The following JAG1 variants were observed in gnomAD, a reference collection of about 807,000 sequenced individuals.
The protein encoded by JAG1 is protein jagged-1.
In JAG1, 23 loss-of-function variants were observed where a neutral mutation model predicts 148.7. That is an observed-to-expected ratio of 0.15 (90% CI 0.11 to 0.22). JAG1 has a LOEUF of 0.22. Ranked by LOEUF, JAG1 falls within the 10% of genes least tolerant of loss-of-function variation. JAG1 has a pLI of 1.00. For synonymous variants in JAG1, 572 were observed against 598.3 expected, an observed-to-expected ratio of 0.96 and a Z score of 0.64; for missense variants, 1,054 against 1,611.2, an observed-to-expected ratio of 0.65 and a Z score of 5.92.
chr20:10,651,517 T>TGAG, intron 8 of JAG1, 64 bp downstream of exon 8: 10 of 1,096,852 alleles, frequency 9.1e-6, no homozygotes, highest in Non-Finnish European at 1.4e-5. Context: ...TAGGTACCTC[T>TGAG]CCCCAGCGTG....
Position 10,639,496 on chromosome 20 carries a change from T to A in JAG1, c.*2A>T. 6 of 1,613,858 alleles carry A rather than the reference T, an allele frequency of 3.7e-6. No individual in the cohort carries two copies. The highest frequency in any genetic ancestry group is 5.1e-6 in the Non-Finnish European group (6 of 1,179,730). On this transcript the variant is annotated 3_prime_UTR_variant, in exon 26 of 26. Transcript: ENST00000254958. ...CCTAGCGGCGGCAGTGCCCGCGGTC[T>A]GCTATACGATGTACTCCATTCGGTT...
intron 12 of JAG1, 35 bp from the exon 13 acceptor site, chr20:10,648,145 A>T: frequency 6.2e-7 from 1 of 1,613,846 alleles, no homozygotes; most frequent in Non-Finnish European, 8.5e-7. Flanking sequence ...AGGGGGAGGG[A>T]TCAGAGTAAA....
chr20:10,661,498 G>C (rs2122628547), intron 3 of JAG1, among the ~76,000 whole-genome samples: 1 of 152,314 alleles, frequency 6.6e-6, no homozygotes, highest in South Asian at 2.1e-4. Flanking sequence ...TGATGTAGTT[G>C]AGGATAGGAA....
At position 10,652,589 on chromosome 20, in the gene JAG1, G is replaced by A. The variant is rs1131695; in HGVS notation, c.765C>T (p.Tyr255=). The change falls in exon 6 of 26, where the codon TAC becomes TAT. Residue 255 remains tyrosine (Y), a synonymous_variant. Coordinates refer to ENST00000254958, the MANE Select transcript of JAG1 (RefSeq NM_000214.3). ...TATCACAGTACAGGCCTTGCCAGCC[G>A]TACTGGCACCTGGAGACACACAGCA... The part of the protein sequence containing the change: ...CKLPGDCRCQ[Y]GWQGLYCDKC... 0.45 allele frequency: 732,046 copies of A among 1,612,802 alleles called. 168,141 individuals are homozygous for A. The highest frequency in any genetic ancestry group is 0.56 in the Middle Eastern group (3,400 of 6,050).
At chr20:10,642,028 G>A in intron 21 of JAG1, 136 bp from the exon 22 acceptor site, 2 of 730,838 alleles carry the variant, frequency 2.7e-6, no homozygotes, top group East Asian at 2.6e-5. Context: ...GTAACAGCAT[G>A]TGTACTTCCT....
chr20:10,672,669 C>T lies in JAG1; in HGVS notation c.387+32G>A, dbSNP rs2067504672. 5 of 1,607,136 alleles carry T rather than the reference C, an allele frequency of 3.1e-6. No homozygotes were observed. In the African/African-American group the frequency reaches 6.7e-5, roughly 21 times the overall value. ...CTCGGCCAGGCGCGGGTGTGAGGCT[C>T]CGCCCGGCCTCCTTCCCGAGTAGTC... On this transcript the variant is annotated intron_variant, in intron 2 of 25. Transcript: ENST00000254958.
At chr20:10,646,580 CG>C (rs1027421320) in intron 14 of JAG1, among the ~76,000 whole-genome samples, 4 of 150,558 alleles carry the variant, frequency 2.7e-5, no homozygotes, top group Non-Finnish European at 4.4e-5. Flanking sequence ...AGTTGGGGGT[CG>C]GGGGGTGGAT....
intron 19 of JAG1, 42 bp downstream of exon 19, chr20:10,644,314 AC>A (rs1420799156): frequency 2.8e-6 from 4 of 1,445,518 alleles, no homozygotes; most frequent in Non-Finnish European, 3.9e-6. Context: ...ACACACACAC[AC>A]GATAGTGGAT....
intron 4 of JAG1, among the ~76,000 whole-genome samples, chr20:10,657,390 G>A (rs1293960987): frequency 6.7e-6 from 1 of 149,764 alleles, no homozygotes; most frequent in Non-Finnish European, 1.5e-5. Flanking sequence ...CCCACACTAA[G>A]TGTTAGGTCG....
Position 10,639,175 on chromosome 20 carries a change from CA to C in JAG1, c.*322del, listed in dbSNP as rs981901680. 9.6e-6 allele frequency: 4 copies of C among 416,458 alleles called. No individual in the cohort carries two copies. The Admixed American group carries it at 1.4e-4, about 15-fold the overall frequency. The allele number at this position is 416,458 out of a possible 1,614,324, so 25.8% of individuals were successfully genotyped here. Reference sequence around the variant, plus strand: ...AAACTATGATCTAAGACTGCATCACCATTAGGACATCTGGCAGAAGTGGGAG... The same window carrying C: ...AAACTATGATCTAAGACTGCATCACCTTAGGACATCTGGCAGAAGTGGGAG... On this transcript the variant is annotated 3_prime_UTR_variant, in exon 26 of 26. Coordinates refer to ENST00000254958, the MANE Select transcript of JAG1 (RefSeq NM_000214.3).
intron 5 of JAG1, among the ~76,000 whole-genome samples, chr20:10,653,153 A>C (rs1365986149): frequency 6.6e-6 from 1 of 151,926 alleles, no homozygotes; most frequent in East Asian, 1.9e-4. Flanking sequence ...AAGCCAGAGT[A>C]GGCTCTCTAA....
At chr20:10,652,298 G>A (rs767442209) in intron 6 of JAG1, 48 bp from the exon 7 acceptor site, 38 of 1,610,908 alleles carry the variant, frequency 2.4e-5, no homozygotes, top group Admixed American at 6.7e-5. Flanking sequence ...TGAAGATGGC[G>A]AACCCACCAT....
Position 10,639,847 on chromosome 20 carries a change from G to A in JAG1, c.3308C>T (p.Thr1103Ile), listed in dbSNP as rs781429347. 7.4e-6 allele frequency: 12 copies of A among 1,614,050 alleles called. No individual in the cohort carries two copies. Among genetic ancestry groups the A allele is most frequent in the Admixed American group, 3.3e-5 (2 of 60,016 alleles). ...LRKRRKPGSH[T>I]HSASEDNTTN... ...GGTGTTGTCCTCAGAGGCTGAGTGTGTGTGGCTGCCCGGCTTCCGCCGCTT... is the reference window on the plus strand; with the variant it reads ...GGTGTTGTCCTCAGAGGCTGAGTGTATGTGGCTGCCCGGCTTCCGCCGCTT... The change falls in exon 26 of 26, where the codon ACA becomes ATA. Residue 1103 changes from threonine (T) to isoleucine (I), a missense_variant. Thr to Ile is a moderately conservative substitution (Grantham distance 89, BLOSUM62 -1). Transcript: ENST00000254958.
Position 10,663,962 on chromosome 20 carries a change from C to T in JAG1, c.439+1G>A, listed in dbSNP as rs863223648. 1.2e-6 allele frequency: 2 copies of T among 1,612,882 alleles called. No individual in the cohort carries two copies. The highest frequency in any genetic ancestry group is 8.5e-7 in the Non-Finnish European group (1 of 1,178,856). On this transcript the variant is annotated splice_donor_variant, in intron 3 of 25. Transcript: ENST00000254958. LOFTEE classifies it high-confidence loss of function. Reference sequence around the variant, plus strand: ...GAAAAGTCCACAGAAGCGATACTTACGAACGGTGTCATTACTGGAATCCCA... The same window carrying T: ...GAAAAGTCCACAGAAGCGATACTTATGAACGGTGTCATTACTGGAATCCCA...
chr20:10,649,556 A>G lies in JAG1; in HGVS notation c.1314T>C (p.Cys438=), dbSNP rs2067332135. The change falls in exon 10 of 26, where the codon TGT becomes TGC. Residue 438 remains cysteine (C), a synonymous_variant. Transcript: ENST00000254958. ...KNLIASYYCD[C]LPGWMGQNCD... is the part of the protein sequence containing the mutation. ...AATTCTGACCCATCCAGCCGGGAAGACAGTCGCAGTAGTAGCTGGCAATGA... is the reference window on the plus strand; with the variant it reads ...AATTCTGACCCATCCAGCCGGGAAGGCAGTCGCAGTAGTAGCTGGCAATGA... 2 of 1,613,102 alleles carry G rather than the reference A, an allele frequency of 1.2e-6. No individual in the cohort carries two copies. Among genetic ancestry groups the G allele is most frequent in the Admixed American group, 1.7e-5 (1 of 60,006 alleles).
Position 10,645,739 on chromosome 20 carries a change from A to C in JAG1, c.1999+232T>G. On this transcript the variant is annotated intron_variant, in intron 15 of 25. Coordinates refer to ENST00000254958, the MANE Select transcript of JAG1 (RefSeq NM_000214.3). The surrounding 1 kb of genome is among the most constrained non-coding windows in gnomAD (Gnocchi z 6.1). ...AATATGACTTTCCTTGCAAGCAGGA[A>C]TATTTATTACACAGTCTAATTCTAT... 1.6e-6 allele frequency: 1 copy of C among 617,452 alleles called. No individual in the cohort carries two copies. Among genetic ancestry groups the C allele is most frequent in the South Asian group, 1.9e-5 (1 of 51,334 alleles). The allele number at this position is 617,452 out of a possible 1,614,324, so 38.2% of individuals were successfully genotyped here. A position where few individuals can be genotyped will look rare whatever the true frequency, so the allele number is the denominator to read the frequency against.
Position 10,650,659 on chromosome 20 carries a change from CTTTATT to C in JAG1, c.1121-305_1121-300del, listed in dbSNP as rs1459817623. 35 of 372,478 alleles carry C rather than the reference CTTTATT, an allele frequency of 9.4e-5. No individual in the cohort carries two copies. In the South Asian group the frequency reaches 9.7e-4, roughly 10 times the overall value. 23.1% of individuals were successfully genotyped at this position (372,478 alleles called of 1,614,324 possible). ...CACAGGACATCTCTATCTGCCTAAT[CTTTATT>C]TTTAAAGAAAAGTTTCATCATGGCT... On this transcript the variant is annotated intron_variant, in intron 8 of 25. Transcript: ENST00000254958.
intron 3 of JAG1, among the ~76,000 whole-genome samples, chr20:10,663,526 CCCA>C (rs1370929650): frequency 1.3e-5 from 2 of 152,182 alleles, no homozygotes; most frequent in Non-Finnish European, 1.5e-5. Context: ...AGCTCACCTG[CCCA>C]CCAAGTGAAA....
At chr20:10,644,431 C>A in intron 18 of JAG1, 47 bp from the exon 19 acceptor site, 1 of 1,508,168 alleles carries the variant, frequency 6.6e-7, no homozygotes, top group Non-Finnish European at 9.2e-7. Flanking sequence ...ACAGGGAAAG[C>A]GGTCTTAGCC....
Sources: allele counts gnomAD v4.1 joint callset (sites outside exome capture counted in the v4.1 genomes callset), GRCh38; gene constraint gnomAD v4.1.1; non-coding constraint Gnocchi (gnomAD v3.1); transcripts MANE v1.5; gene names NCBI Gene and HGNC (gene_info 2026-07-23, HGNC 2026-07-21).